KLF5: variants seen among roughly 807,000 people sequenced by gnomAD.
KLF5 encodes Krueppel-like factor 5.
In KLF5, 9 loss-of-function variants were observed where a neutral mutation model predicts 36.9. That is an observed-to-expected ratio of 0.24 (90% CI 0.15 to 0.43). The LOEUF is 0.43. Ranked by LOEUF, KLF5 falls within the 20% of genes least tolerant of loss-of-function variation. The pLI is 1.00. For synonymous variants in KLF5, 246 were observed against 241.7 expected (o/e 1.02, Z -0.17); for missense variants, 524 against 599.5 (o/e 0.87, Z 1.31).
chr13:73,060,382 C>G (rs1446783369), intron 1 of KLF5, among the ~76,000 whole-genome samples: 1 of 152,116 alleles, frequency 6.6e-6, no homozygotes, highest in Non-Finnish European at 1.5e-5. Flanking sequence ...TGGAAACATA[C>G]CCACATGCAA....
chr13:73,069,486 T>C (rs914721060), intron 3 of KLF5, among the ~76,000 whole-genome samples: 2 of 152,180 alleles, frequency 1.3e-5, no homozygotes, highest in Non-Finnish European at 2.9e-5. Flanking sequence ...TATTAAACAT[T>C]CTTTTCATTC....
At chr13:73,055,084 C>A (rs966516583), upstream of KLF5, 1 of 152,142 alleles carries the variant, frequency 6.6e-6, no homozygotes, top group South Asian at 2.1e-4. Context: ...TGGTTCCAGG[C>A]ATTTATATTT....
chr13:73,061,852 C>T lies in KLF5; in HGVS notation c.262-9C>T. 1 of 1,605,738 alleles carries T rather than the reference C, an allele frequency of 6.2e-7. No individual in the cohort carries two copies. The highest frequency in any genetic ancestry group is 8.5e-7 in the Non-Finnish European group (1 of 1,173,648). On this transcript the variant is annotated splice_polypyrimidine_tract_variant and intron_variant, in intron 1 of 3. Coordinates refer to ENST00000377687, the MANE Select transcript of KLF5 (RefSeq NM_001730.5). ...GTGGATTATGCATTTTATATCTCTT[C>T]TTTTTTAGACAAGATGTGAAATGGA...
intron 3 of KLF5, among the ~76,000 whole-genome samples, chr13:73,069,124 A>G (rs539418213): frequency 6.6e-6 from 1 of 152,274 alleles, no homozygotes; most frequent in South Asian, 2.1e-4. Context: ...AAAATAAAAA[A>G]TCGATAATAT....
Position 73,062,725 on chromosome 13 carries a change from G to T in KLF5, c.1126G>T (p.Asp376Tyr). 6.2e-7 allele frequency: 1 copy of T among 1,613,370 alleles called. No individual in the cohort carries two copies. Among genetic ancestry groups the T allele is most frequent in the Non-Finnish European group, 8.5e-7 (1 of 1,179,664 alleles). The change falls in exon 2 of 4, where the codon GAT becomes TAT. Residue 376 changes from aspartate (D) to tyrosine (Y), a missense_variant. Asp to Tyr is a radical substitution (Grantham distance 160). This residue lies in a region of KLF5 where 46 missense variants were observed against 105.8 expected (regional missense o/e 0.43). Coordinates refer to ENST00000377687, the MANE Select transcript of KLF5 (RefSeq NM_001730.5). ...GGAGAAACGACGCATCCACTACTGC[G>T]ATTACCCTGGTATGTGCTCTTACCT... ...DLEKRRIHYC[D>Y]YPGCTKVYTK... is the part of the protein sequence containing the mutation.
intron 1 of KLF5, among the ~76,000 whole-genome samples, chr13:73,060,992 G>C (rs925918384): frequency 1.3e-5 from 2 of 152,078 alleles, no homozygotes; most frequent in Non-Finnish European, 2.9e-5. Context: ...TACAGAGTAG[G>C]GGGGAATGTA....
chr13:73,068,147 A>G (rs985946351), intron 3 of KLF5, among the ~76,000 whole-genome samples: 2 of 152,128 alleles, frequency 1.3e-5, no homozygotes, highest in African/African-American at 4.8e-5. Flanking sequence ...GACTCACAAA[A>G]TGGACTCTTA....
intron 3 of KLF5, among the ~76,000 whole-genome samples, chr13:73,072,157 T>C (rs1303852542): frequency 1.3e-5 from 2 of 152,214 alleles, no homozygotes; most frequent in African/African-American, 4.8e-5. Context: ...GGTATGTCTA[T>C]TGAATGTGTT....
chr13:73,063,522 A>T (rs1437278579), intron 2 of KLF5, among the ~76,000 whole-genome samples: 1 of 152,192 alleles, frequency 6.6e-6, no homozygotes, highest in African/African-American at 2.4e-5. Flanking sequence ...TTAAAAAAAC[A>T]TATAGCAGCT....
At position 73,077,352 on chromosome 13, in the gene KLF5, A is replaced by G. The variant is rs569162479; in HGVS notation, c.*1466A>G. The G allele has an allele frequency of 6.5e-6, 1 of 152,780 alleles. No homozygotes were observed. The highest frequency in any genetic ancestry group is 2.1e-4 in the South Asian group (1 of 4,830). 9.5% of individuals were successfully genotyped at this position (152,780 alleles called of 1,614,324 possible). On this transcript the variant is annotated 3_prime_UTR_variant, in exon 4 of 4. Transcript: ENST00000377687. ...CTTCAAAATGTTTATACGTGGAAACACACCTACATGAAAAGCAGAAATCGG... is the reference window on the plus strand; with the variant it reads ...CTTCAAAATGTTTATACGTGGAAACGCACCTACATGAAAAGCAGAAATCGG...
chr13:73,066,058 T>C (rs1211494942), intron 3 of KLF5, among the ~76,000 whole-genome samples: 1 of 152,220 alleles, frequency 6.6e-6, no homozygotes, highest in African/African-American at 2.4e-5. Context: ...CATTGTGGCC[T>C]TCAACATCTA....
chr13:73,070,558 C>T (rs927858162), intron 3 of KLF5, among the ~76,000 whole-genome samples: 3 of 152,096 alleles, frequency 2.0e-5, no homozygotes, highest in Admixed American at 2.0e-4. Flanking sequence ...TTTAGGAGCC[C>T]AGAGATTCCA....
chr13:73,055,493 C>T (rs1335424261), upstream of KLF5, among the ~76,000 whole-genome samples: 1 of 152,068 alleles, frequency 6.6e-6, no homozygotes, highest in East Asian at 1.9e-4. Context: ...AGTCAAAATG[C>T]TTTAAATTCC....
intron 3 of KLF5, among the ~76,000 whole-genome samples, chr13:73,067,655 T>C (rs753325739): frequency 7.2e-5 from 11 of 152,160 alleles, no homozygotes; most frequent in Non-Finnish European, 1.6e-4. Flanking sequence ...AAAGAAAGTC[T>C]TTGAACAACA....
rs948600127 is a variant in KLF5, at chr13:73,059,068, C to A, written c.-260C>A. 2 of 335,450 alleles carry A rather than the reference C, an allele frequency of 6.0e-6. No individual in the cohort carries two copies. The highest frequency in any genetic ancestry group is 9.8e-5 in the Admixed American group (2 of 20,492). The allele number at this position is 335,450 out of a possible 1,614,324, so 20.8% of individuals were successfully genotyped here. A position where few individuals can be genotyped will look rare whatever the true frequency, so the allele number is the denominator to read the frequency against. On this transcript the variant is annotated 5_prime_UTR_variant, in exon 1 of 4. Transcript: ENST00000377687. The stretch of plus-strand genomic sequence containing the variant: ...GGAGGTCGGCGGTGGCGGGAGCGGG[C>A]TCCGGAGAGCCTGAGAGCACGGTGG...
intron 2 of KLF5, 97 bp from the exon 3 acceptor site, chr13:73,063,727 G>T: frequency 1.2e-6 from 1 of 855,440 alleles, no homozygotes. Context: ...TAGCATGAGA[G>T]ATTTCTTCTT....
chr13:73,058,142 T>C (rs1400019618), upstream of KLF5, among the ~76,000 whole-genome samples: 1 of 152,234 alleles, frequency 6.6e-6, no homozygotes, highest in Non-Finnish European at 1.5e-5. Context: ...AAAGATGTAA[T>C]GTCTATTTAA....
rs761414770 is a variant in KLF5, at chr13:73,062,754, T to C, written c.1135+20T>C. On this transcript the variant is annotated intron_variant, in intron 2 of 3. Coordinates refer to ENST00000377687, the MANE Select transcript of KLF5 (RefSeq NM_001730.5). ...ACCCTGGTATGTGCTCTTACCTGGT[T>C]GAAGCATCAATAGATGTAGTGTGTG... 2 of 1,604,868 alleles carry C rather than the reference T, an allele frequency of 1.2e-6. No individual in the cohort carries two copies. Among genetic ancestry groups the C allele is most frequent in the Non-Finnish European group, 1.7e-6 (2 of 1,174,834 alleles).
rs1174379219 is a variant in KLF5, at chr13:73,076,100, T to C, written c.*214T>C. 2 of 436,534 alleles carry C rather than the reference T, an allele frequency of 4.6e-6. No homozygotes were observed. The highest frequency in any genetic ancestry group is 8.0e-6 in the Non-Finnish European group (2 of 251,236). The allele number at this position is 436,534 out of a possible 1,614,324, so 27.0% of individuals were successfully genotyped here. ...AGAATCTGGAATGCTTGCTGTAATG[T>C]ATATGGCTTTACTCAAGCAGATCTC... is the stretch of plus-strand genomic sequence containing the variant. On this transcript the variant is annotated 3_prime_UTR_variant, in exon 4 of 4. Coordinates refer to ENST00000377687, the MANE Select transcript of KLF5 (RefSeq NM_001730.5).
Sources: allele counts gnomAD v4.1 joint callset (sites outside exome capture counted in the v4.1 genomes callset), GRCh38; gene constraint gnomAD v4.1.1; regional missense constraint gnomAD v4.1.1; transcripts MANE v1.5; gene names NCBI Gene and HGNC (gene_info 2026-07-23, HGNC 2026-07-21).